DVL3: variants seen among roughly 807,000 people sequenced by gnomAD.
DVL3 encodes the protein segment polarity protein dishevelled homolog DVL-3.
Under a neutral mutation model 67.4 loss-of-function variants are expected in DVL3, and 27 were observed. The ratio of observed to expected loss-of-function variants is 0.40; its 90% CI spans 0.30 to 0.55. DVL3 has a LOEUF of 0.55. Ranked by LOEUF, DVL3 falls within the 20% of genes least tolerant of loss-of-function variation. The probability of loss-of-function intolerance (pLI) is 0.46; values close to 1 mark genes in which losing one functional copy is unlikely to be tolerated. For missense variants in DVL3, 819 were observed against 1,021.5 expected, an observed-to-expected ratio of 0.80 and a Z score of 2.70; for synonymous variants, 369 against 396.8, an observed-to-expected ratio of 0.93 and a Z score of 0.83.
In DVL3 at chr3:184,170,417, T is replaced by TCGGAC; in HGVS notation, c.1815_1819dup (p.His607ArgfsTer63). On this transcript the variant is annotated frameshift_variant, in exon 15 of 15. Transcript: ENST00000313143. LOFTEE classifies it low-confidence loss of function (END_TRUNC). This position sits in a 1 kb window ranked among gnomAD's most constrained non-coding sequence, Gnocchi z 6.5. ...CAAGTCCGGGGGCAGCGGCAGCGAA[T>TCGGAC]CGGACCACACCACACGCAGCAGCCT... 1 of 1,599,962 alleles carries TCGGAC rather than the reference T, an allele frequency of 6.3e-7. No individual in the cohort carries two copies. The highest frequency in any genetic ancestry group is 8.5e-7 in the Non-Finnish European group (1 of 1,173,510).
At chr3:184,159,590 T>C (rs147057839) in intron 1 of DVL3, among the ~76,000 whole-genome samples, 10,150 of 60,990 alleles carry the variant, frequency 0.17, 2,607 homozygotes, top group Non-Finnish European at 0.19. Flanking sequence ...TCACGAACTC[T>C]TGACCTCAAG....
intron 1 of DVL3, among the ~76,000 whole-genome samples, chr3:184,160,168 G>A (rs1291804454): frequency 2.0e-5 from 3 of 149,722 alleles, no homozygotes; most frequent in Admixed American, 2.0e-4. Context: ...TAGCCAGGAT[G>A]GTCTTGATCT....
chr3:184,163,180 G>T lies in DVL3; in HGVS notation c.162-477G>T, dbSNP rs563050685. Among the ~76,000 whole-genome samples, 4 of 152,060 alleles carry T rather than the reference G, an allele frequency of 2.6e-5. No homozygotes were observed. Among genetic ancestry groups the T allele is most frequent in the Admixed American group, 6.5e-5 (1 of 15,270 alleles). On this transcript the variant is annotated intron_variant, in intron 1 of 14. Transcript: ENST00000313143. This position sits in a 1 kb window ranked among gnomAD's most constrained non-coding sequence, Gnocchi z 4.5. ...TGGGATTACAGGTGTGAGCTATCAC[G>T]CCTGGCCTCCCCTTCTCTTTTCTAA...
Position 184,155,710 on chromosome 3 carries a change from C to A in DVL3, c.75C>A (p.Ala25=). 1 of 1,613,348 alleles carries A rather than the reference C, an allele frequency of 6.2e-7. No homozygotes were observed. The highest frequency in any genetic ancestry group is 1.1e-5 in the South Asian group (1 of 91,062). The change falls in exon 1 of 15, where the codon GCC becomes GCA. Residue 25 remains alanine (A), a synonymous_variant. Coordinates refer to ENST00000313143, the MANE Select transcript of DVL3 (RefSeq NM_004423.4). The surrounding 1 kb of genome is among the most constrained non-coding windows in gnomAD (Gnocchi z 5.4). ...ACCTTGTGAAGCTGCCCCTGCCCGC[C>A]GAGCGCGTCACCTTGGCGGACTTTA... ...TPYLVKLPLP[A]ERVTLADFKG... is the part of the protein sequence containing the mutation.
chr3:184,167,360 G>A lies in DVL3; in HGVS notation c.1199-220G>A, dbSNP rs1043762055. ...CACATGCACATCGTACACTGGCCAA[G>A]CACCTGCATTTACATTATTTAATCC... On this transcript the variant is annotated intron_variant, in intron 11 of 14. Transcript: ENST00000313143. This position sits in a 1 kb window ranked among gnomAD's most constrained non-coding sequence, Gnocchi z 4.6. Among the ~76,000 whole-genome samples, 5 of 152,158 alleles carry A rather than the reference G, an allele frequency of 3.3e-5. No individual in the cohort carries two copies. The highest frequency in any genetic ancestry group is 9.7e-5 in the African/African-American group (4 of 41,420).
chr3:184,169,637 G>C (rs1382442784), intron 13 of DVL3, among the ~76,000 whole-genome samples: 5 of 152,200 alleles, frequency 3.3e-5, no homozygotes, highest in African/African-American at 4.8e-5. Context: ...GCAGGGAGCT[G>C]AAACTGTACC....
chr3:184,156,938 T>A (rs1714217404), intron 1 of DVL3: 1 of 163,094 alleles, frequency 6.1e-6, no homozygotes, highest in Non-Finnish European at 1.4e-5. Flanking sequence ...AGTGTTCATC[T>A]GTCTGGCTTC....
rs767586773 is a variant in DVL3, at chr3:184,170,017, C to T, written c.1510C>T (p.Leu504=). Residue 504 remains leucine (L), a synonymous_variant, in exon 14 of 15, where the codon CTG becomes TTG. Coordinates refer to ENST00000313143, the MANE Select transcript of DVL3 (RefSeq NM_004423.4). This position sits in a 1 kb window ranked among gnomAD's most constrained non-coding sequence, Gnocchi z 6.5. The part of the protein sequence containing the change: ...FGDLCGNMAN[L]SLHDHDGSSG... ...CCTCCCCTTCACAGACATGGCCAAC[C>T]TGTCTCTCCACGATCACGATGGCTC... is the stretch of plus-strand genomic sequence containing the variant. The T allele has an allele frequency of 1.1e-5, 18 of 1,606,368 alleles. No homozygotes were observed. The highest frequency in any genetic ancestry group is 1.7e-4 in the Middle Eastern group (1 of 6,046).
chr3:184,162,560 C>CTTTTTTTTTTTTTTTTTTT (rs35869796), intron 1 of DVL3, among the ~76,000 whole-genome samples: 2 of 123,516 alleles, frequency 1.6e-5, no homozygotes, highest in African/African-American at 3.0e-5. Flanking sequence ...TTTTTCTTTT[C>CTTTTTTTTTTTTTTTTTTT]TTTTTTTTTT....
In DVL3 at chr3:184,170,464, G is replaced by A; in HGVS notation, c.1860G>A (p.Ala620=). The A allele has an allele frequency of 6.3e-7, 1 of 1,584,256 alleles. No individual in the cohort carries two copies. The highest frequency in any genetic ancestry group is 8.6e-7 in the Non-Finnish European group (1 of 1,166,274). ...GCCTGCGGGGGCCGCGGGAGCGGGC[G>A]CCCAGCGAGCGCTCAGGGCCGGCGG... is the stretch of plus-strand genomic sequence containing the variant. The part of the protein sequence containing the change: ...RSSLRGPRER[A]PSERSGPAAS... The change falls in exon 15 of 15, where the codon GCG becomes GCA. Residue 620 remains alanine (A), a synonymous_variant. Coordinates refer to ENST00000313143, the MANE Select transcript of DVL3 (RefSeq NM_004423.4). The surrounding 1 kb of genome is among the most constrained non-coding windows in gnomAD (Gnocchi z 6.5).
chr3:184,157,395 A>T (rs759868950), intron 1 of DVL3, among the ~76,000 whole-genome samples: 1 of 152,158 alleles, frequency 6.6e-6, no homozygotes, highest in African/African-American at 2.4e-5. Flanking sequence ...TGAGGGACTA[A>T]GATAGGCTGT....
chr3:184,171,207 A>C lies in DVL3; in HGVS notation c.*452A>C, dbSNP rs1248566483. On this transcript the variant is annotated 3_prime_UTR_variant, in exon 15 of 15. Transcript: ENST00000313143. ...CCCCACCCCATCAGGCACGTGTGCAAACCTCTTGACTTTACCCCACATTAC... is the reference window on the plus strand; with the variant it reads ...CCCCACCCCATCAGGCACGTGTGCACACCTCTTGACTTTACCCCACATTAC... 3 of 1,110,862 alleles carry C rather than the reference A, an allele frequency of 2.7e-6. No homozygotes were observed. The highest frequency in any genetic ancestry group is 8.8e-5 in the East Asian group (1 of 11,312). The allele number at this position is 1,110,862 out of a possible 1,614,324, so 68.8% of individuals were successfully genotyped here.
At chr3:184,169,371 C>G (rs558803836) in intron 13 of DVL3, among the ~76,000 whole-genome samples, 55 of 152,320 alleles carry the variant, frequency 3.6e-4, no homozygotes, top group African/African-American at 1.3e-3. Flanking sequence ...CTTGCACCAG[C>G]TGAGTGAACG....
In DVL3 at chr3:184,170,238, G is replaced by T. The variant is rs774547282; in HGVS notation, c.1714+17G>T. The T allele has an allele frequency of 6.2e-7, 1 of 1,611,056 alleles. No homozygotes were observed. The highest frequency in any genetic ancestry group is 8.5e-7 in the Non-Finnish European group (1 of 1,178,896). ...ACAGCGAAGGTAAGGTAGAGGGGCC[G>T]TGGAGGAAGGCTATAGGTGGGCCCC... On this transcript the variant is annotated intron_variant, in intron 14 of 14. Coordinates refer to ENST00000313143, the MANE Select transcript of DVL3 (RefSeq NM_004423.4). This position sits in a 1 kb window ranked among gnomAD's most constrained non-coding sequence, Gnocchi z 6.5.
rs566955081 is a variant in DVL3 at position 184,164,566 on chromosome 3, G to A, written c.428G>A (p.Arg143Gln). 3.8e-6 allele frequency: 6 copies of A among 1,569,566 alleles called. No homozygotes were observed. The South Asian group carries it at 4.8e-5, about 13-fold the overall frequency. ...TETDSLVSAQ[R>Q]ERPRRRDGPE... ...ACGGACTCTTTGGTGTCTGCCCAGC[G>A]AGAGCGGCCACGCCGGAGGGATGGC... is the stretch of plus-strand genomic sequence containing the variant. The change falls in exon 4 of 15, where the codon CGA becomes CAA. Residue 143 changes from arginine (R) to glutamine (Q), a missense_variant. Physicochemically the swap from Arg to Gln is conservative, Grantham distance 43 (BLOSUM62 1). This residue lies in a region of DVL3 where 385 missense variants were observed against 486.8 expected (regional missense o/e 0.79). Coordinates refer to ENST00000313143, the MANE Select transcript of DVL3 (RefSeq NM_004423.4). The surrounding 1 kb of genome is among the most constrained non-coding windows in gnomAD (Gnocchi z 5.3).
Position 184,164,626 on chromosome 3 carries a change from T to G in DVL3, c.463+25T>G. 1 of 1,547,056 alleles carries G rather than the reference T, an allele frequency of 6.5e-7. No individual in the cohort carries two copies. On this transcript the variant is annotated intron_variant, in intron 4 of 14. Transcript: ENST00000313143. This position sits in a 1 kb window ranked among gnomAD's most constrained non-coding sequence, Gnocchi z 5.3. The stretch of plus-strand genomic sequence containing the variant: ...GGTATATCTTCCTGAACACGGACAC[T>G]GTCCGCACCTCACACCCTCCCCTCA...
At chr3:184,169,251 C>T (rs75234602) in intron 13 of DVL3, among the ~76,000 whole-genome samples, 2 of 152,340 alleles carry the variant, frequency 1.3e-5, no homozygotes, top group East Asian at 3.9e-4. Context: ...CGCGTCTGTT[C>T]TGATTAGTTT....
In DVL3 at chr3:184,170,305, T is replaced by C. The variant is rs1471959185; in HGVS notation, c.1715-14T>C. On this transcript the variant is annotated splice_polypyrimidine_tract_variant and intron_variant, in intron 14 of 14. Coordinates refer to ENST00000313143, the MANE Select transcript of DVL3 (RefSeq NM_004423.4). This position sits in a 1 kb window ranked among gnomAD's most constrained non-coding sequence, Gnocchi z 6.5. Reference sequence around the variant, plus strand: ...CTCAGCCTGCCCCACCCCGGCCCTGTTTGCCTCCTACAGGCAGTCGGAGCA... The same window carrying C: ...CTCAGCCTGCCCCACCCCGGCCCTGCTTGCCTCCTACAGGCAGTCGGAGCA... 1.9e-6 allele frequency: 3 copies of C among 1,594,694 alleles called. No homozygotes were observed. In the African/African-American group the frequency reaches 4.0e-5, roughly 21 times the overall value.
In DVL3 at chr3:184,164,720, C is replaced by G; in HGVS notation, c.464-76C>G. The G allele has an allele frequency of 1.9e-6, 3 of 1,603,088 alleles. No homozygotes were observed. The highest frequency in any genetic ancestry group is 2.6e-6 in the Non-Finnish European group (3 of 1,173,356). Reference sequence around the variant, plus strand: ...CAGGATATGCCTGGCCCCAGTGCAGCCCCTGGCTTGCCTCTCTCCCTCCTT... The same window carrying G: ...CAGGATATGCCTGGCCCCAGTGCAGGCCCTGGCTTGCCTCTCTCCCTCCTT... On this transcript the variant is annotated intron_variant, in intron 4 of 14. Transcript: ENST00000313143. The surrounding 1 kb of genome is among the most constrained non-coding windows in gnomAD (Gnocchi z 5.3).
Sources: gnomAD v4.1 joint callset for allele counts (sites outside exome capture counted in the v4.1 genomes callset) on GRCh38, gnomAD v4.1.1 for gene constraint, gnomAD v4.1.1 regional missense constraint, Gnocchi (gnomAD v3.1) non-coding constraint, MANE v1.5 for transcripts, NCBI Gene and HGNC (gene_info 2026-07-23, HGNC 2026-07-21) for gene names.